The following SLC16A9 variants were observed in gnomAD, a reference collection of about 807,000 sequenced individuals.
SLC16A9 encodes the protein solute carrier family 16 member 9.
SLC16A9 carries 26 observed loss-of-function variants against 44.3 expected under a neutral mutation model. The ratio of observed to expected loss-of-function variants is 0.59; its 90% confidence interval spans 0.43 to 0.81. SLC16A9 has a LOEUF of 0.81. Among genes scored for constraint, SLC16A9 ranks in the 40% least tolerant of loss-of-function variants. The pLI, the probability that SLC16A9 is intolerant of heterozygous loss-of-function variation, is 0.00. For synonymous variants in SLC16A9, 230 were observed against 225.1 expected, an observed-to-expected ratio of 1.02 and a Z score of -0.19; for missense variants, 559 against 595.8, an observed-to-expected ratio of 0.94 and a Z score of 0.64.
chr10:59,661,989 A>G (rs768186432), intron 4 of SLC16A9, among the ~76,000 whole-genome samples: 2 of 152,208 alleles, frequency 1.3e-5, no homozygotes, highest in Non-Finnish European at 2.9e-5. Context: ...TTAACGCAAG[A>G]TGGATTAAAG....
chr10:59,661,861 C>G (rs1839482557), intron 4 of SLC16A9, among the ~76,000 whole-genome samples: 1 of 151,734 alleles, frequency 6.6e-6, no homozygotes, highest in Admixed American at 6.6e-5. Context: ...CTTTGACAAA[C>G]CTGACAAAAA....
intron 1 of SLC16A9, among the ~76,000 whole-genome samples, chr10:59,692,182 C>T (rs1268286690): frequency 2.0e-5 from 3 of 152,134 alleles, no homozygotes; most frequent in African/African-American, 2.4e-5. Flanking sequence ...GTGACTTTAT[C>T]TTGGGAAAAA....
At chr10:59,660,933 G>A (rs916863777) in intron 4 of SLC16A9, among the ~76,000 whole-genome samples, 9 of 152,100 alleles carry the variant, frequency 5.9e-5, no homozygotes, top group Admixed American at 2.6e-4. Flanking sequence ...TGCAGAAAAG[G>A]CCTTCGATAA....
intron 1 of SLC16A9, among the ~76,000 whole-genome samples, chr10:59,699,701 T>A (rs867747972): frequency 4.0e-5 from 6 of 150,362 alleles, no homozygotes; most frequent in Admixed American, 6.6e-5. Flanking sequence ...TTTTTTTTTT[T>A]AAATCCCTTT....
At chr10:59,697,516 A>C (rs1237474062) in intron 1 of SLC16A9, among the ~76,000 whole-genome samples, 1 of 151,346 alleles carries the variant, frequency 6.6e-6, no homozygotes, top group Non-Finnish European at 1.5e-5. Flanking sequence ...TGCTTTGTTA[A>C]ACAGATGCTT....
intron 1 of SLC16A9, among the ~76,000 whole-genome samples, chr10:59,687,103 C>T (rs1458462632): frequency 3.9e-5 from 6 of 152,148 alleles, no homozygotes; most frequent in Admixed American, 2.6e-4. Context: ...CGGGGTTTCA[C>T]CATGTTGGCC....
Position 59,675,132 on chromosome 10 carries a change from G to A in SLC16A9, c.197-2219C>T, listed in dbSNP as rs143831722. On this transcript the variant is annotated intron_variant, in intron 2 of 5. Coordinates refer to ENST00000395348, the MANE Select transcript of SLC16A9 (RefSeq NM_194298.3). ...TAGAGAAATATATCATTAGGTCAGA[G>A]ATTAAAGACAAAAAATTTTAGAGCT... Among the ~76,000 whole-genome samples the A allele has an allele frequency of 7.2e-3, 1,089 of 152,238 alleles. 4 individuals carry two copies. The highest frequency in any genetic ancestry group is 0.017 in the Middle Eastern group (5 of 294).
intron 4 of SLC16A9, among the ~76,000 whole-genome samples, chr10:59,655,197 G>A (rs1839322393): frequency 6.6e-6 from 1 of 152,144 alleles, no homozygotes; most frequent in Non-Finnish European, 1.5e-5. Flanking sequence ...GGCTGAGGCA[G>A]AAGAGTCGCT....
rs1055605073 is a variant in SLC16A9 at position 59,652,654 on chromosome 10, A to G, written c.*118T>C. 7.1e-6 allele frequency: 6 copies of G among 845,536 alleles called. No homozygotes were observed. The African/African-American group carries it at 8.7e-5, about 12-fold the overall frequency. 52.4% of individuals were successfully genotyped at this position (845,536 alleles called of 1,614,324 possible). On this transcript the variant is annotated 3_prime_UTR_variant, in exon 6 of 6. Coordinates refer to ENST00000395348, the MANE Select transcript of SLC16A9 (RefSeq NM_194298.3). ...AAAAATAATTCATTCAGAGTCAGTCATTGTGAAATTTTGCTATGAGAAAAT... is the reference window on the plus strand; with the variant it reads ...AAAAATAATTCATTCAGAGTCAGTCGTTGTGAAATTTTGCTATGAGAAAAT...
rs1204641661 is a variant in SLC16A9 at position 59,652,643 on chromosome 10, CAG to C, written c.*127_*128del. On this transcript the variant is annotated 3_prime_UTR_variant, in exon 6 of 6. Transcript: ENST00000395348. ...GATATATAAAAAAAAATAATTCATT[CAG>C]AGTCAGTCATTGTGAAATTTTGCTA... 1 of 750,678 alleles carries C rather than the reference CAG, an allele frequency of 1.3e-6. No homozygotes were observed. Among genetic ancestry groups the C allele is most frequent in the Non-Finnish European group, 2.1e-6 (1 of 479,834 alleles). The allele number at this position is 750,678 out of a possible 1,614,324, so 46.5% of individuals were successfully genotyped here. A position where few individuals can be genotyped will look rare whatever the true frequency, so the allele number is the denominator to read the frequency against.
At chr10:59,686,183 T>C (rs979380493) in intron 1 of SLC16A9, among the ~76,000 whole-genome samples, 3 of 152,184 alleles carry the variant, frequency 2.0e-5, no homozygotes, top group African/African-American at 7.2e-5. Flanking sequence ...TCACACATCA[T>C]TACCACATTT....
chr10:59,672,964 T>A, intron 2 of SLC16A9, 51 bp from the exon 3 acceptor site: 5 of 1,541,742 alleles, frequency 3.2e-6, no homozygotes, highest in Non-Finnish European at 4.4e-6. Flanking sequence ...CCATCCATCA[T>A]AAGTTCAAAA....
intron 2 of SLC16A9, among the ~76,000 whole-genome samples, chr10:59,678,129 A>G (rs1839900048): frequency 6.7e-6 from 1 of 149,210 alleles, no homozygotes; most frequent in Non-Finnish European, 1.5e-5. Context: ...TCCCAGGAGT[A>G]GAAGGATGGC....
chr10:59,697,973 AC>A (rs869113697), intron 1 of SLC16A9, among the ~76,000 whole-genome samples: 36 of 136,974 alleles, frequency 2.6e-4, no homozygotes, highest in Non-Finnish European at 4.3e-4. Flanking sequence ...AAAAAAAAAA[AC>A]AAAAAACAAA....
intron 1 of SLC16A9, among the ~76,000 whole-genome samples, chr10:59,686,658 T>C (rs1369416722): frequency 2.0e-5 from 3 of 152,224 alleles, no homozygotes; most frequent in Non-Finnish European, 4.4e-5. Flanking sequence ...AATTCTCCTA[T>C]TTGTGGTGGA....
chr10:59,693,689 G>A (rs1319140460), intron 1 of SLC16A9, among the ~76,000 whole-genome samples: 1 of 151,644 alleles, frequency 6.6e-6, no homozygotes, highest in Admixed American at 6.6e-5. Context: ...GCGTGATCTC[G>A]GCTCACCGTA....
chr10:59,656,819 G>A (rs989920344), intron 4 of SLC16A9, among the ~76,000 whole-genome samples: 4 of 152,120 alleles, frequency 2.6e-5, no homozygotes, highest in Non-Finnish European at 5.9e-5. Context: ...TCTTCAAAAA[G>A]AGCATCCTAA....
intron 1 of SLC16A9, among the ~76,000 whole-genome samples, chr10:59,700,805 C>A (rs530504986): frequency 4.6e-5 from 7 of 152,184 alleles, no homozygotes; most frequent in Non-Finnish European, 1.0e-4. Flanking sequence ...GCATTCCCTG[C>A]ATCCTCACAG....
intron 4 of SLC16A9, among the ~76,000 whole-genome samples, chr10:59,661,078 C>G (rs1242621817): frequency 6.6e-6 from 1 of 152,234 alleles, no homozygotes. Flanking sequence ...GAAGCATTCC[C>G]TTTGAAAACC....
Sources: gnomAD v4.1 joint callset for allele counts (sites outside exome capture counted in the v4.1 genomes callset) on GRCh38, gnomAD v4.1.1 for gene constraint, MANE v1.5 for transcripts, NCBI Gene and HGNC (gene_info 2026-07-23, HGNC 2026-07-21) for gene names.